The following KCNIP4 variants were observed in gnomAD, a reference collection of about 807,000 sequenced individuals.
KCNIP4 encodes the protein potassium voltage-gated channel interacting protein 4.
In KCNIP4, 12 loss-of-function variants were observed where a neutral mutation model predicts 34.0. The ratio of observed to expected loss-of-function variants is 0.35; its 90% confidence interval spans 0.23 to 0.57. KCNIP4 has a LOEUF of 0.57. Among genes scored for constraint, KCNIP4 ranks in the 20% least tolerant of loss-of-function variants. The pLI, the probability that KCNIP4 is intolerant of heterozygous loss-of-function variation, is 0.83. For missense variants in KCNIP4, 238 were observed against 311.7 expected (o/e 0.76, Z 1.78); for synonymous variants, 124 against 102.2 (o/e 1.21, Z -1.29).
chr4:21,350,315 C>T (rs565954945), intron 1 of KCNIP4, among the ~76,000 whole-genome samples: 3 of 152,160 alleles, frequency 2.0e-5, no homozygotes, highest in South Asian at 2.1e-4. Context: ...AATCTCTTGG[C>T]ACCATAAAAA....
At chr4:21,461,424 T>C (rs371095354) in intron 1 of KCNIP4, among the ~76,000 whole-genome samples, 1 of 72,152 alleles carries the variant, frequency 1.4e-5, no homozygotes, top group East Asian at 2.0e-4. Context: ...GCTTGTGAAG[T>C]TTTTTTTTTT....
chr4:21,196,608 C>T (rs1187466333), intron 1 of KCNIP4, among the ~76,000 whole-genome samples: 3 of 152,172 alleles, frequency 2.0e-5, no homozygotes, highest in African/African-American at 7.2e-5. Context: ...AATGTTCTGA[C>T]ACTTGGTTTG....
intron 1 of KCNIP4, among the ~76,000 whole-genome samples, chr4:21,811,589 A>G (rs986886190): frequency 8.5e-5 from 13 of 152,178 alleles, no homozygotes; most frequent in East Asian, 1.9e-4. Context: ...AGCTACTCAT[A>G]TATGGCCACT....
chr4:21,499,346 A>AAAAAAAAAAAAAAAAAAC (rs1491409328), intron 1 of KCNIP4, among the ~76,000 whole-genome samples: 5 of 148,654 alleles, frequency 3.4e-5, no homozygotes, highest in African/African-American at 1.3e-4. Context: ...AAAAAAAAAA[A>AAAAAAAAAAAAAAAAAAC]CAACTACATA....
At chr4:21,755,193 T>G (rs1717422242) in intron 1 of KCNIP4, among the ~76,000 whole-genome samples, 1 of 152,146 alleles carries the variant, frequency 6.6e-6, no homozygotes. Flanking sequence ...GAGTCGAGCA[T>G]GGATAGGCTG....
chr4:21,501,378 G>A (rs62301292), intron 1 of KCNIP4, among the ~76,000 whole-genome samples: 16,156 of 151,528 alleles, frequency 0.11, 1,063 homozygotes, highest in East Asian at 0.26. Flanking sequence ...CATTTGGAAC[G>A]GGACACAGTA....
chr4:21,231,911 C>A (rs1001870253), intron 1 of KCNIP4, among the ~76,000 whole-genome samples: 1 of 152,070 alleles, frequency 6.6e-6, no homozygotes, highest in Non-Finnish European at 1.5e-5. Context: ...TGGTCAATGT[C>A]AAGACATAGA....
rs11942661 is a variant in KCNIP4 at position 21,189,808 on chromosome 4, C to T, written c.62-307099G>A. On this transcript the variant is annotated intron_variant, in intron 1 of 8. Transcript: ENST00000382152. ...TTCAAATACCAAAGGTCTAGTAAAA[C>T]ATTAACATTCAGGGATTTCACTTTC... Among the ~76,000 whole-genome samples the T allele has an allele frequency of 9.1e-3, 1,386 of 152,274 alleles. 31 individuals carry two copies. Among genetic ancestry groups the T allele is most frequent in the African/African-American group, 0.032 (1,312 of 41,572 alleles).
intron 1 of KCNIP4, among the ~76,000 whole-genome samples, chr4:21,462,007 A>G (rs987342794): frequency 3.3e-5 from 5 of 152,040 alleles, no homozygotes; most frequent in Non-Finnish European, 5.9e-5. Context: ...AGTAATTAGA[A>G]TATCTATCAC....
At chr4:21,761,208 C>A (rs1278962319) in intron 1 of KCNIP4, among the ~76,000 whole-genome samples, 2 of 152,012 alleles carry the variant, frequency 1.3e-5, no homozygotes, top group African/African-American at 4.8e-5. Context: ...TTCAAGTGAT[C>A]CACCTGCCAC....
chr4:21,609,962 C>T (rs1744021639), intron 1 of KCNIP4, among the ~76,000 whole-genome samples: 1 of 152,194 alleles, frequency 6.6e-6, no homozygotes, highest in South Asian at 2.1e-4. Flanking sequence ...TCATGCCACA[C>T]CAGGAATATT....
At chr4:21,428,091 C>G (rs79307142) in intron 1 of KCNIP4, among the ~76,000 whole-genome samples, 1 of 152,014 alleles carries the variant, frequency 6.6e-6, no homozygotes, top group African/African-American at 2.4e-5. Flanking sequence ...GTGACAAATA[C>G]GGTAACCTGG....
At chr4:21,037,802 G>C (rs1741583521) in intron 1 of KCNIP4, among the ~76,000 whole-genome samples, 1 of 151,684 alleles carries the variant, frequency 6.6e-6, no homozygotes, top group Non-Finnish European at 1.5e-5. Flanking sequence ...CCCTCAACTT[G>C]GATTTTTTTT....
chr4:20,980,312 C>A (rs963380579), intron 1 of KCNIP4, among the ~76,000 whole-genome samples: 6 of 152,292 alleles, frequency 3.9e-5, no homozygotes, highest in African/African-American at 1.4e-4. Context: ...AGATTACAAA[C>A]TAAAGTATGA....
chr4:21,779,030 G>GAC (rs1416148676), intron 1 of KCNIP4, among the ~76,000 whole-genome samples: 1 of 151,950 alleles, frequency 6.6e-6, no homozygotes, highest in African/African-American at 2.4e-5. Flanking sequence ...GAGAGAGAGA[G>GAC]AGAGAAGATT....
intron 1 of KCNIP4, among the ~76,000 whole-genome samples, chr4:21,695,644 T>G (rs533708988): frequency 9.9e-5 from 15 of 152,120 alleles, no homozygotes; most frequent in African/African-American, 3.6e-4. Context: ...ACCATTTTCG[T>G]AAAATTCTTT....
intron 1 of KCNIP4, among the ~76,000 whole-genome samples, chr4:20,917,650 T>C (rs1728979725): frequency 6.6e-6 from 1 of 152,096 alleles, no homozygotes; most frequent in African/African-American, 2.4e-5. Flanking sequence ...AAAAAAAGAT[T>C]GAAAGCACAG....
At chr4:21,763,081 C>A in intron 1 of KCNIP4, 1 of 1,288,736 alleles carries the variant, frequency 7.8e-7, no homozygotes, top group Non-Finnish European at 1.0e-6. Flanking sequence ...CTCGTCAGGA[C>A]ACTCAGGAAT....
At chr4:21,720,530 CT>C (rs71191598) in intron 1 of KCNIP4, among the ~76,000 whole-genome samples, 1,532 of 140,282 alleles carry the variant, frequency 0.011, 22 homozygotes, top group African/African-American at 0.033. Context: ...TGTTTTTTTT[CT>C]TTTTTTTTTT....
Sources: allele counts gnomAD v4.1 joint callset (sites outside exome capture counted in the v4.1 genomes callset), GRCh38; gene constraint gnomAD v4.1.1; transcripts MANE v1.5; gene names NCBI Gene and HGNC (gene_info 2026-07-23, HGNC 2026-07-21).